The following PLEKHF2 variants were observed in gnomAD, a reference collection of about 807,000 sequenced individuals.
The protein encoded by PLEKHF2 is pleckstrin homology domain-containing family F member 2.
In PLEKHF2, 4 loss-of-function variants were observed where a neutral mutation model predicts 14.7. That is an observed-to-expected ratio of 0.27 (90% CI 0.13 to 0.62). The LOEUF is 0.62. Among genes scored for constraint, PLEKHF2 ranks in the 20% least tolerant of loss-of-function variants. The probability of loss-of-function intolerance (pLI) is 0.85; values close to 1 mark genes in which losing one functional copy is unlikely to be tolerated. For missense variants in PLEKHF2, 201 were observed against 307.7 expected, an observed-to-expected ratio of 0.65 and a Z score of 2.60; for synonymous variants, 90 against 103.5, an observed-to-expected ratio of 0.87 and a Z score of 0.79.
chr8:95,143,850 T>TA (rs1187039458), intron 1 of PLEKHF2, among the ~76,000 whole-genome samples: 1 of 152,214 alleles, frequency 6.6e-6, no homozygotes, highest in Admixed American at 6.5e-5. Context: ...TGAGTAGACT[T>TA]ACCTGATTAT....
At chr8:95,137,895 T>C (rs1810393287) in intron 1 of PLEKHF2, among the ~76,000 whole-genome samples, 1 of 152,258 alleles carries the variant, frequency 6.6e-6, no homozygotes, top group African/African-American at 2.4e-5. Flanking sequence ...CTGTTTTCTC[T>C]TTCTCTTTTC....
rs146664470 is a variant in PLEKHF2, at chr8:95,136,847, C to T, written c.-15+2817C>T. On this transcript the variant is annotated intron_variant, in intron 1 of 1. Coordinates refer to ENST00000315367, the MANE Select transcript of PLEKHF2 (RefSeq NM_024613.4). ...AAAAAATACTTCATGGATACACTTT[C>T]ACAGTGCTGTTTTAAGTTGGAAAAC... is the stretch of plus-strand genomic sequence containing the variant. 6.0e-3 allele frequency among the ~76,000 whole-genome samples: 916 copies of T among 152,300 alleles called. 11 individuals carry two copies. Among genetic ancestry groups the T allele is most frequent in the African/African-American group, 0.021 (877 of 41,554 alleles).
rs902788079 is a variant in PLEKHF2 at position 95,154,851 on chromosome 8, G to A, written c.*57G>A. ...GCTATCTGAGAAATCAACTTTGGGG[G>A]AAATGTAAGATTCTGAGCTCTCTCT... On this transcript the variant is annotated 3_prime_UTR_variant, in exon 2 of 2. Transcript: ENST00000315367. The surrounding 1 kb of genome is among the most constrained non-coding windows in gnomAD (Gnocchi z 5.6). 11 of 1,569,328 alleles carry A rather than the reference G, an allele frequency of 7.0e-6. No homozygotes were observed. In the African/African-American group the frequency reaches 1.2e-4, roughly 18 times the overall value.
At chr8:95,140,400 T>G (rs973423996) in intron 1 of PLEKHF2, among the ~76,000 whole-genome samples, 7 of 152,222 alleles carry the variant, frequency 4.6e-5, no homozygotes. Flanking sequence ...CATATTCTCT[T>G]CAGTCCATCC....
chr8:95,138,638 C>G (rs1810405563), intron 1 of PLEKHF2, among the ~76,000 whole-genome samples: 1 of 152,114 alleles, frequency 6.6e-6, no homozygotes, highest in African/African-American at 2.4e-5. Context: ...GAGATAACCA[C>G]TACTGACTTT....
Position 95,137,850 on chromosome 8 carries a change from T to C in PLEKHF2, c.-15+3820T>C, listed in dbSNP as rs140837428. 2.1e-3 allele frequency among the ~76,000 whole-genome samples: 320 copies of C among 152,342 alleles called. 2 individuals are homozygous for C. Among genetic ancestry groups the C allele is most frequent in the African/African-American group, 7.2e-3 (299 of 41,576 alleles). Reference sequence around the variant, plus strand: ...TCATTCAGAACCACTCTACCTCAGGTCTTAAACCCTGTGGCCAGATGGCGA... The same window carrying C: ...TCATTCAGAACCACTCTACCTCAGGCCTTAAACCCTGTGGCCAGATGGCGA... On this transcript the variant is annotated intron_variant, in intron 1 of 1. Transcript: ENST00000315367.
At chr8:95,151,402 G>T (rs114167915) in intron 1 of PLEKHF2, among the ~76,000 whole-genome samples, 31 of 151,300 alleles carry the variant, frequency 2.0e-4, no homozygotes, top group African/African-American at 7.3e-4. Flanking sequence ...CCTGTTTTAG[G>T]GCCTTTGCAG....
intron 1 of PLEKHF2, among the ~76,000 whole-genome samples, chr8:95,145,784 C>T (rs1810494253): frequency 6.6e-6 from 1 of 152,166 alleles, no homozygotes; most frequent in East Asian, 1.9e-4. Context: ...CAAGAATTCC[C>T]TGATTATTAT....
intron 1 of PLEKHF2, among the ~76,000 whole-genome samples, chr8:95,137,749 A>G (rs935719827): frequency 2.0e-5 from 3 of 152,236 alleles, no homozygotes; most frequent in African/African-American, 7.2e-5. Flanking sequence ...ATTTGGAACT[A>G]CACTTCACTA....
At chr8:95,144,575 T>TA (rs1012777303) in intron 1 of PLEKHF2, among the ~76,000 whole-genome samples, 1 of 151,762 alleles carries the variant, frequency 6.6e-6, no homozygotes, top group Non-Finnish European at 1.5e-5. Context: ...AATATGCATT[T>TA]AAAAAAAATG....
chr8:95,148,187 CT>C, intron 1 of PLEKHF2, among the ~76,000 whole-genome samples: 1 of 150,042 alleles, frequency 6.7e-6, no homozygotes, highest in Non-Finnish European at 1.5e-5. Flanking sequence ...TTTTATAAAG[CT>C]TTCTCTTAAA....
At position 95,156,374 on chromosome 8, in the gene PLEKHF2, T is replaced by TA. The variant is rs1196575993; in HGVS notation, c.*1581dup. 1 of 167,028 alleles carries TA rather than the reference T, an allele frequency of 6.0e-6. No homozygotes were observed. The highest frequency in any genetic ancestry group is 1.5e-5 in the Non-Finnish European group (1 of 68,116). The allele number at this position is 167,028 out of a possible 1,614,324, so 10.3% of individuals were successfully genotyped here. A position where few individuals can be genotyped will look rare whatever the true frequency, so the allele number is the denominator to read the frequency against. Reference sequence around the variant, plus strand: ...TATTAGATTTTGAAAGTATCTGAGATATACAAATCTCCCTGTAGGAAATGT... The same window carrying TA: ...TATTAGATTTTGAAAGTATCTGAGATAATACAAATCTCCCTGTAGGAAATGT... On this transcript the variant is annotated 3_prime_UTR_variant, in exon 2 of 2. Transcript: ENST00000315367.
At chr8:95,137,642 C>T (rs958564381) in intron 1 of PLEKHF2, among the ~76,000 whole-genome samples, 5 of 152,216 alleles carry the variant, frequency 3.3e-5, no homozygotes, top group Non-Finnish European at 7.3e-5. Flanking sequence ...TCCTATCAGT[C>T]AGGCTAGAAA....
rs1402268083 is a variant in PLEKHF2 at position 95,154,241 on chromosome 8, A to G, written c.197A>G (p.Asn66Ser). Reference sequence around the variant, plus strand: ...TTTAATGATATTCTTGTATATGGCAATATTGTCATCCAGAAGAAAAAATAT... The same window carrying G: ...TTTAATGATATTCTTGTATATGGCAGTATTGTCATCCAGAAGAAAAAATAT... ...FLFNDILVYG[N>S]IVIQKKKYNK... is the part of the protein sequence containing the mutation. Residue 66 changes from asparagine to serine, a missense_variant, in exon 2 of 2, where the codon AAT becomes AGT. Transcript: ENST00000315367. This position sits in a 1 kb window ranked among gnomAD's most constrained non-coding sequence, Gnocchi z 5.6. 1.9e-6 allele frequency: 3 copies of G among 1,613,892 alleles called. No homozygotes were observed. Among genetic ancestry groups the G allele is most frequent in the South Asian group, 1.1e-5 (1 of 91,078 alleles).
chr8:95,147,256 C>G lies in PLEKHF2; in HGVS notation c.-14-6775C>G, dbSNP rs538465055. On this transcript the variant is annotated intron_variant, in intron 1 of 1. Transcript: ENST00000315367. ...ATCTGAGGAGCTTTAAAAATAACTCCGGTGCACAGGTCTTACCCTGCATAC... is the reference window on the plus strand; with the variant it reads ...ATCTGAGGAGCTTTAAAAATAACTCGGGTGCACAGGTCTTACCCTGCATAC... Among the ~76,000 whole-genome samples the G allele has an allele frequency of 9.2e-5, 14 of 151,972 alleles. No homozygotes were observed. The East Asian group carries it at 2.5e-3, about 27-fold the overall frequency.
intron 1 of PLEKHF2, among the ~76,000 whole-genome samples, chr8:95,152,772 T>C (rs1339240454): frequency 6.6e-6 from 1 of 152,116 alleles, no homozygotes; most frequent in African/African-American, 2.4e-5. Flanking sequence ...AGAATTCTAG[T>C]GTCCTTTATA....
At chr8:95,148,065 G>A (rs1408779525) in intron 1 of PLEKHF2, among the ~76,000 whole-genome samples, 1 of 151,530 alleles carries the variant, frequency 6.6e-6, no homozygotes, top group Non-Finnish European at 1.5e-5. Flanking sequence ...GACAAAAAAT[G>A]GAAATAATAC....
intron 1 of PLEKHF2, among the ~76,000 whole-genome samples, chr8:95,137,611 G>A (rs1489899080): frequency 6.6e-6 from 1 of 152,250 alleles, no homozygotes; most frequent in African/African-American, 2.4e-5. Flanking sequence ...AAAATGCAGA[G>A]GGGTTAGCTG....
chr8:95,148,811 A>G (rs1435452201), intron 1 of PLEKHF2, among the ~76,000 whole-genome samples: 1 of 152,158 alleles, frequency 6.6e-6, no homozygotes, highest in Non-Finnish European at 1.5e-5. Context: ...ATATGCCAGA[A>G]TACATTTTAG....
Sources: allele counts gnomAD v4.1 joint callset (sites outside exome capture counted in the v4.1 genomes callset), GRCh38; gene constraint gnomAD v4.1.1; non-coding constraint Gnocchi (gnomAD v3.1); transcripts MANE v1.5; gene names NCBI Gene and HGNC (gene_info 2026-07-23, HGNC 2026-07-21).